CAMTA1: variants seen among roughly 807,000 people sequenced by gnomAD.
CAMTA1 encodes calmodulin binding transcription activator 1.
In CAMTA1, 27 loss-of-function variants were observed where a neutral mutation model predicts 170.9. The observed-to-expected ratio is 0.16, with a 90% confidence interval of 0.12 to 0.22. CAMTA1 has a LOEUF of 0.22. Among genes scored for constraint, CAMTA1 ranks in the 10% least tolerant of loss-of-function variants. The pLI is 1.00. For synonymous variants in CAMTA1, 833 were observed against 891.5 expected, an observed-to-expected ratio of 0.93 and a Z score of 1.17; for missense variants, 1,619 against 2,217.2, an observed-to-expected ratio of 0.73 and a Z score of 5.42.
chr1:7,465,163 T>C (rs2093181478), intron 5 of CAMTA1, among the ~76,000 whole-genome samples: 2 of 152,196 alleles, frequency 1.3e-5, no homozygotes. Flanking sequence ...TCCTGGGACC[T>C]GTGTCCTGGA....
At chr1:6,978,322 A>G (rs1283830694) in intron 3 of CAMTA1, among the ~76,000 whole-genome samples, 1 of 152,162 alleles carries the variant, frequency 6.6e-6, no homozygotes, top group Non-Finnish European at 1.5e-5. Flanking sequence ...GTATCAAAAC[A>G]TCTTATGTAC....
At chr1:7,632,818 G>C (rs1471668553) in intron 6 of CAMTA1, among the ~76,000 whole-genome samples, 2 of 152,242 alleles carry the variant, frequency 1.3e-5, no homozygotes, top group Non-Finnish European at 2.9e-5. Flanking sequence ...GCTCACTGCT[G>C]CATCCTCAAC....
chr1:7,634,315 G>T lies in CAMTA1; in HGVS notation c.511-6085G>T, dbSNP rs984948817. Among the ~76,000 whole-genome samples the T allele has an allele frequency of 6.6e-6, 1 of 152,128 alleles. No individual in the cohort carries two copies. The highest frequency in any genetic ancestry group is 2.1e-4 in the South Asian group (1 of 4,826). ...GTGATCGACTGGCCGTTGAGGGAGA[G>T]GGAGGGAAAATGAGAGGATGACTCC... On this transcript the variant is annotated intron_variant, in intron 6 of 22. Transcript: ENST00000303635. The surrounding 1 kb of genome is among the most constrained non-coding windows in gnomAD (Gnocchi z 6.2).
intron 1 of CAMTA1, among the ~76,000 whole-genome samples, chr1:6,814,330 G>T (rs972706658): frequency 6.6e-6 from 1 of 152,120 alleles, no homozygotes; most frequent in Non-Finnish European, 1.5e-5. Context: ...CTCTTCCTGG[G>T]CATTTTCCAG....
At chr1:7,278,600 G>A (rs1374720850) in intron 5 of CAMTA1, among the ~76,000 whole-genome samples, 5 of 152,184 alleles carry the variant, frequency 3.3e-5, no homozygotes, top group Admixed American at 2.6e-4. Flanking sequence ...TCACAGATCC[G>A]TGGATCAAAT....
intron 6 of CAMTA1, among the ~76,000 whole-genome samples, chr1:7,638,486 C>G (rs2095733106): frequency 6.6e-6 from 1 of 152,058 alleles, no homozygotes; most frequent in Non-Finnish European, 1.5e-5. Flanking sequence ...ACTAAAAATA[C>G]AAAAATTAGC....
intron 5 of CAMTA1, among the ~76,000 whole-genome samples, chr1:7,301,143 C>T (rs1008642220): frequency 4.6e-5 from 7 of 152,154 alleles, no homozygotes; most frequent in Non-Finnish European, 1.0e-4. Flanking sequence ...GGGCCAGACA[C>T]AAGGATCAAA....
chr1:7,483,803 G>GAGA (rs2093575495), intron 6 of CAMTA1, among the ~76,000 whole-genome samples: 1 of 152,088 alleles, frequency 6.6e-6, no homozygotes, highest in African/African-American at 2.4e-5. Context: ...CAGGGAGCTG[G>GAGA]AGAACGCAGC....
rs148255354 is a variant in CAMTA1, at chr1:7,493,683, G to A, written c.510+25782G>A. On this transcript the variant is annotated intron_variant, in intron 6 of 22. Transcript: ENST00000303635. ...GTCAGCGGAAGAGTTTGTCCTTGAGGGGACATTGCCCACTCTGTAAACTCA... is the reference window on the plus strand; with the variant it reads ...GTCAGCGGAAGAGTTTGTCCTTGAGAGGACATTGCCCACTCTGTAAACTCA... Among the ~76,000 whole-genome samples the A allele has an allele frequency of 2.8e-3, 431 of 152,202 alleles. 4 individuals are homozygous for A. Among genetic ancestry groups the A allele is most frequent in the African/African-American group, 9.3e-3 (388 of 41,530 alleles).
At chr1:6,796,437 T>C (rs921707508) in intron 1 of CAMTA1, among the ~76,000 whole-genome samples, 1 of 152,234 alleles carries the variant, frequency 6.6e-6, no homozygotes, top group African/African-American at 2.4e-5. Context: ...TGAGCTGGCC[T>C]AAAGTAGCAT....
At chr1:7,310,347 A>G (rs1676269236) in intron 5 of CAMTA1, among the ~76,000 whole-genome samples, 1 of 152,232 alleles carries the variant, frequency 6.6e-6, no homozygotes, top group Admixed American at 6.5e-5. Context: ...AAAGGGCCAA[A>G]TGGCAAGTAT....
chr1:7,727,976 T>G (rs924971172), intron 11 of CAMTA1, among the ~76,000 whole-genome samples: 4 of 152,260 alleles, frequency 2.6e-5, no homozygotes, highest in Non-Finnish European at 5.9e-5. Flanking sequence ...GAGATTGGTT[T>G]TTTATTTTAA....
At chr1:7,394,124 A>G (rs2089025032) in intron 5 of CAMTA1, among the ~76,000 whole-genome samples, 1 of 152,124 alleles carries the variant, frequency 6.6e-6, no homozygotes, top group Non-Finnish European at 1.5e-5. Flanking sequence ...GGTTGATTCT[A>G]TGTCTTGGCT....
rs115314105 is a variant in CAMTA1, at chr1:6,864,325, C to T, written c.234+39115C>T. Among the ~76,000 whole-genome samples, 562 of 152,284 alleles carry T rather than the reference C, an allele frequency of 3.7e-3. 5 individuals are homozygous for T. The highest frequency in any genetic ancestry group is 0.012 in the African/African-American group (516 of 41,560). ...CAAGCCACAATTGCCTGTGCGCAGACGGTATTGAGCGATCTTCTGACTCAT... is the reference window on the plus strand; with the variant it reads ...CAAGCCACAATTGCCTGTGCGCAGATGGTATTGAGCGATCTTCTGACTCAT... On this transcript the variant is annotated intron_variant, in intron 3 of 22. Coordinates refer to ENST00000303635, the MANE Select transcript of CAMTA1 (RefSeq NM_015215.4).
At chr1:7,311,224 C>A (rs1330297010) in intron 5 of CAMTA1, among the ~76,000 whole-genome samples, 1 of 152,210 alleles carries the variant, frequency 6.6e-6, no homozygotes, top group Admixed American at 6.5e-5. Context: ...TTTTCATCTT[C>A]TTCTAATATT....
chr1:7,710,600 C>CA (rs60019262), intron 11 of CAMTA1, among the ~76,000 whole-genome samples: 255 of 82,728 alleles, frequency 3.1e-3, no homozygotes, highest in African/African-American at 5.3e-3. Flanking sequence ...GACCCTGTCT[C>CA]AAAAAAAAAA....
At chr1:7,713,687 C>A (rs77431736) in intron 11 of CAMTA1, among the ~76,000 whole-genome samples, 2,395 of 152,232 alleles carry the variant, frequency 0.016, 58 homozygotes, top group African/African-American at 0.055. Flanking sequence ...GCAGATAGAC[C>A]ATCCTCACAA....
intron 3 of CAMTA1, among the ~76,000 whole-genome samples, chr1:6,985,879 T>C (rs757466771): frequency 5.0e-4 from 76 of 152,226 alleles, no homozygotes; most frequent in Non-Finnish European, 3.8e-4. Flanking sequence ...CCTTCTGCAC[T>C]CATAGATTTA....
At chr1:7,517,843 A>G (rs2094307780) in intron 6 of CAMTA1, among the ~76,000 whole-genome samples, 1 of 151,932 alleles carries the variant, frequency 6.6e-6, no homozygotes. Flanking sequence ...GTTTGAGCCA[A>G]GGTCCCTTAA....
Sources: allele counts gnomAD v4.1 joint callset (sites outside exome capture counted in the v4.1 genomes callset), GRCh38; gene constraint gnomAD v4.1.1; non-coding constraint Gnocchi (gnomAD v3.1); transcripts MANE v1.5; gene names NCBI Gene and HGNC (gene_info 2026-07-23, HGNC 2026-07-21).